The following PSPC1 variants were observed in gnomAD, a reference collection of about 807,000 sequenced individuals.
The protein encoded by PSPC1 is paraspeckle component 1.
In PSPC1, 14 loss-of-function variants were observed where a neutral mutation model predicts 51.6. The observed-to-expected ratio is 0.27, with a 90% CI of 0.18 to 0.42. The LOEUF is 0.42. Among genes scored for constraint, PSPC1 ranks in the 10% least tolerant of loss-of-function variants. The pLI is 1.00. For missense variants in PSPC1, 406 were observed against 701.1 expected (o/e 0.58, Z 4.75); for synonymous variants, 193 against 231.9 (o/e 0.83, Z 1.53).
chr13:19,736,631 C>T (rs540221959), intron 5 of PSPC1, among the ~76,000 whole-genome samples: 2 of 152,076 alleles, frequency 1.3e-5, no homozygotes, highest in Admixed American at 6.6e-5. Context: ...TGCAGTGAGC[C>T]GAGATCGCGC....
At chr13:19,733,874 A>C (rs1158539487) in intron 5 of PSPC1, among the ~76,000 whole-genome samples, 1 of 151,712 alleles carries the variant, frequency 6.6e-6, no homozygotes, top group Non-Finnish European at 1.5e-5. Context: ...GATCACTTGA[A>C]CCCCATAAGG....
intron 1 of PSPC1, among the ~76,000 whole-genome samples, chr13:19,781,344 G>A (rs1056504913): frequency 1.3e-5 from 2 of 151,980 alleles, no homozygotes; most frequent in African/African-American, 4.8e-5. Flanking sequence ...TAGAGATGGA[G>A]TTTCGCCATG....
intron 6 of PSPC1, among the ~76,000 whole-genome samples, chr13:19,714,491 A>C (rs1038118670): frequency 7.7e-5 from 11 of 142,954 alleles, no homozygotes; most frequent in Admixed American, 1.4e-4. Flanking sequence ...AGCCCAGCGG[A>C]TTTCTTTTTT....
intron 3 of PSPC1, among the ~76,000 whole-genome samples, chr13:19,753,207 C>T (rs1471025126): frequency 1.4e-5 from 2 of 142,876 alleles, no homozygotes; most frequent in Admixed American, 1.5e-4. Flanking sequence ...CGCTTGAACT[C>T]GGGAGACGGA....
intron 6 of PSPC1, among the ~76,000 whole-genome samples, chr13:19,693,604 A>G (rs1453882438): frequency 6.6e-6 from 1 of 152,202 alleles, no homozygotes; most frequent in Non-Finnish European, 1.5e-5. Flanking sequence ...TGTATGTACG[A>G]CCAAACCTTT....
intron 6 of PSPC1, among the ~76,000 whole-genome samples, chr13:19,688,512 T>C (rs544666239): frequency 2.6e-5 from 4 of 152,322 alleles, no homozygotes; most frequent in African/African-American, 9.6e-5. Flanking sequence ...ATTATTGATG[T>C]TTGTCATCCT....
At position 19,741,545 on chromosome 13, in the gene PSPC1, T is replaced by A; in HGVS notation, c.1052+20A>T. 6.6e-7 allele frequency: 1 copy of A among 1,508,210 alleles called. No individual in the cohort carries two copies. Among genetic ancestry groups the A allele is most frequent in the Non-Finnish European group, 9.1e-7 (1 of 1,097,112 alleles). The allele number at this position is 1,508,210 out of a possible 1,614,324, so 93.4% of individuals were successfully genotyped here. ...TAATAAGACATACAATTCATGTTTC[T>A]TAAAATGATCTTCTTTTACCTTAGT... On this transcript the variant is annotated intron_variant, in intron 5 of 8. Coordinates refer to ENST00000338910, the MANE Select transcript of PSPC1 (RefSeq NM_001354909.2).
At chr13:19,757,143 AAAAAG>A (rs1451605698) in intron 3 of PSPC1, among the ~76,000 whole-genome samples, 18 of 151,906 alleles carry the variant, frequency 1.2e-4, no homozygotes, top group East Asian at 1.9e-4. Flanking sequence ...AAAAAAAAAA[AAAAAG>A]AAAGAAAGAC....
chr13:19,713,549 A>AG (rs1348295631), intron 6 of PSPC1, among the ~76,000 whole-genome samples: 1 of 149,754 alleles, frequency 6.7e-6, no homozygotes, highest in East Asian at 2.0e-4. Flanking sequence ...GACAGCCAAA[A>AG]AAAAAAAAAA....
At position 19,782,503 on chromosome 13, in the gene PSPC1, G is replaced by A. The variant is rs749186022; in HGVS notation, c.255C>T (p.Phe85=). The A allele has an allele frequency of 1.9e-6, 3 of 1,613,474 alleles. No homozygotes were observed. The highest frequency in any genetic ancestry group is 2.5e-6 in the Non-Finnish European group (3 of 1,179,738). Residue 85 remains phenylalanine (F), a synonymous_variant, in exon 1 of 9, where the codon TTC becomes TTT. Transcript: ENST00000338910. The surrounding 1 kb of genome is among the most constrained non-coding windows in gnomAD (Gnocchi z 4.5). ...TGATGTCGGTGGGCAGATTTCCCAC[G>A]AAGAGGCGGCAGCGCTGCGTGTACG... ...EKTYTQRCRL[F]VGNLPTDITE...
intron 1 of PSPC1, among the ~76,000 whole-genome samples, chr13:19,778,135 C>T (rs7330584): frequency 6.7e-6 from 1 of 149,866 alleles, no homozygotes; most frequent in Non-Finnish European, 1.5e-5. Flanking sequence ...CCAGCTACTC[C>T]AGAGGCTGAG....
chr13:19,672,012 T>C, downstream of PSPC1: 1 of 843,586 alleles, frequency 1.2e-6, no homozygotes, highest in South Asian at 1.5e-5. Context: ...TTGTCTGTTG[T>C]AGTCTGTAAG....
downstream of PSPC1, among the ~76,000 whole-genome samples, chr13:19,699,575 A>C (rs181112574): frequency 4.1e-4 from 63 of 152,190 alleles, no homozygotes; most frequent in East Asian, 5.4e-3. Flanking sequence ...GCTGGGCTAC[A>C]TAAGAGGTGG....
intron 2 of PSPC1, among the ~76,000 whole-genome samples, chr13:19,765,340 TA>T (rs1566044429): frequency 4.8e-5 from 7 of 145,626 alleles, no homozygotes; most frequent in African/African-American, 1.8e-4. Context: ...ATAATAATAA[TA>T]ATAATTATTA....
intron 4 of PSPC1, among the ~76,000 whole-genome samples, chr13:19,742,260 C>CAAAAAAAAAAA (rs36104148): frequency 3.4e-5 from 4 of 119,148 alleles, no homozygotes; most frequent in Admixed American, 8.7e-5. Context: ...GACTCAATCT[C>CAAAAAAAAAAA]AAAAAAAAAA....
intron 6 of PSPC1, among the ~76,000 whole-genome samples, chr13:19,696,951 A>G (rs1879333011): frequency 6.6e-6 from 1 of 152,190 alleles, no homozygotes; most frequent in South Asian, 2.1e-4. Flanking sequence ...GCATTAAATA[A>G]CACTCAATAG....
chr13:19,740,733 G>C (rs1176414570), intron 5 of PSPC1, among the ~76,000 whole-genome samples: 2 of 151,948 alleles, frequency 1.3e-5, no homozygotes, highest in Non-Finnish European at 2.9e-5. Context: ...TATCAATGTG[G>C]GTTTATATAT....
intron 1 of PSPC1, among the ~76,000 whole-genome samples, chr13:19,774,055 T>C (rs899560503): frequency 1.3e-5 from 2 of 152,174 alleles, no homozygotes; most frequent in Admixed American, 6.6e-5. Flanking sequence ...CGAGCTATAA[T>C]AGTTCTCGCC....
intron 6 of PSPC1, among the ~76,000 whole-genome samples, chr13:19,713,428 G>C (rs924755832): frequency 6.7e-6 from 1 of 149,558 alleles, no homozygotes; most frequent in Non-Finnish European, 1.5e-5. Flanking sequence ...CATATGGATA[G>C]TAAGTGGCTG....
Sources: gnomAD v4.1 joint callset for allele counts (sites outside exome capture counted in the v4.1 genomes callset) on GRCh38, gnomAD v4.1.1 for gene constraint, Gnocchi (gnomAD v3.1) non-coding constraint, MANE v1.5 for transcripts, NCBI Gene and HGNC (gene_info 2026-07-23, HGNC 2026-07-21) for gene names.